ADAT1: variants seen among roughly 807,000 people sequenced by gnomAD.
The protein encoded by ADAT1 is adenosine deaminase tRNA specific 1, also known as tRNA-specific adenosine deaminase 1.
Under a neutral mutation model 58.6 loss-of-function variants are expected in ADAT1, and 58 were observed. The observed-to-expected ratio is 0.99, with a 90% CI of 0.80 to 1.23. ADAT1 has a LOEUF of 1.23. Among genes scored for constraint, ADAT1 ranks in the 50% most tolerant of loss-of-function variants. The probability of loss-of-function intolerance (pLI) is 0.00; values close to 1 mark genes in which losing one functional copy is unlikely to be tolerated. For synonymous variants in ADAT1, 254 were observed against 220.8 expected, an observed-to-expected ratio of 1.15 and a Z score of -1.33; for missense variants, 741 against 608.6, an observed-to-expected ratio of 1.22 and a Z score of -2.29.
chr16:75,605,718 C>T (rs1238265229), intron 8 of ADAT1, among the ~76,000 whole-genome samples: 2 of 151,350 alleles, frequency 1.3e-5, no homozygotes, highest in Non-Finnish European at 2.9e-5. Flanking sequence ...GGTGGATCAC[C>T]TGAGGTCAGG....
intron 8 of ADAT1, among the ~76,000 whole-genome samples, chr16:75,604,492 C>T (rs866375630): frequency 1.3e-4 from 16 of 124,528 alleles, no homozygotes; most frequent in African/African-American, 4.6e-4. Context: ...CACACACACA[C>T]ACACACACAC....
At chr16:75,612,220 T>G (rs371579667) in intron 6 of ADAT1, 23 bp downstream of exon 6, 5 of 1,605,344 alleles carry the variant, frequency 3.1e-6, no homozygotes, top group African/African-American at 1.3e-5. Context: ...ACTGTTCCAA[T>G]TGAGCCCTCC....
At chr16:75,617,577 T>TGA (rs1253418331) in intron 4 of ADAT1, among the ~76,000 whole-genome samples, 4 of 151,612 alleles carry the variant, frequency 2.6e-5, no homozygotes, top group Non-Finnish European at 5.9e-5. Flanking sequence ...GAGGCTGTAG[T>TGA]GAGCTATGAT....
chr16:75,621,346 G>A (rs143599234), intron 1 of ADAT1, among the ~76,000 whole-genome samples: 4 of 151,680 alleles, frequency 2.6e-5, no homozygotes, highest in African/African-American at 7.3e-5. Context: ...CAGCAGTTAC[G>A]TGTTCTCATA....
At position 75,620,851 on chromosome 16, in the gene ADAT1, C is replaced by T. The variant is rs550323095; in HGVS notation, c.-21-31G>A. On this transcript the variant is annotated intron_variant, in intron 1 of 9. Transcript: ENST00000564657. ...TCAAAAACCACAACCATCAGAAGTA[C>T]GGAAAGGAGAACCAGTGCACGATGC... is the stretch of plus-strand genomic sequence containing the variant. 10 of 1,573,196 alleles carry T rather than the reference C, an allele frequency of 6.4e-6. No individual in the cohort carries two copies. In the African/African-American group the frequency reaches 6.8e-5, roughly 11 times the overall value.
chr16:75,602,187 C>A (rs2081249959), intron 9 of ADAT1, among the ~76,000 whole-genome samples: 2 of 152,278 alleles, frequency 1.3e-5, no homozygotes, highest in South Asian at 4.1e-4. Flanking sequence ...TAAGTTCAAT[C>A]ACATCATGTG....
Position 75,617,373 on chromosome 16 carries a change from G to A in ADAT1, c.294-101C>T, listed in dbSNP as rs774370674. On this transcript the variant is annotated intron_variant, in intron 4 of 9. Transcript: ENST00000564657. Reference sequence around the variant, plus strand: ...CTAAGACAGCTTACTGTAGACTAATGGGACTGGTAGTGATGGGGAATTATG... The same window carrying A: ...CTAAGACAGCTTACTGTAGACTAATAGGACTGGTAGTGATGGGGAATTATG... 697 of 1,285,718 alleles carry A rather than the reference G, an allele frequency of 5.4e-4. 1 individual carries two copies. Among genetic ancestry groups the A allele is most frequent in the Non-Finnish European group, 6.0e-4 (555 of 921,946 alleles). 79.6% of individuals were successfully genotyped at this position (1,285,718 alleles called of 1,614,324 possible).
intron 6 of ADAT1, 79 bp from the exon 7 acceptor site, chr16:75,609,067 A>C (rs1329029428): frequency 1.3e-6 from 2 of 1,522,238 alleles, no homozygotes; most frequent in African/African-American, 2.8e-5. Flanking sequence ...TCACATCATC[A>C]CCCCTGAGCC....
chr16:75,613,804 T>C (rs1170457046), intron 5 of ADAT1, among the ~76,000 whole-genome samples: 1 of 152,208 alleles, frequency 6.6e-6, no homozygotes, highest in Non-Finnish European at 1.5e-5. Context: ...TGAGAACCAC[T>C]GGCTTAGAAT....
intron 1 of ADAT1, among the ~76,000 whole-genome samples, chr16:75,621,061 T>C (rs113525786): frequency 0.013 from 1,989 of 152,144 alleles, 53 homozygotes; most frequent in African/African-American, 0.044. Context: ...TTCTTAATGT[T>C]ATATATCTGA....
At chr16:75,601,880 G>A (rs1567461174) in intron 9 of ADAT1, 1 of 152,170 alleles carries the variant, frequency 6.6e-6, no homozygotes, top group Non-Finnish European at 1.5e-5. Context: ...TCTTCATATA[G>A]AAGTTTCTAG....
At chr16:75,608,643 T>C (rs79257470) in intron 7 of ADAT1, among the ~76,000 whole-genome samples, 200 bp downstream of exon 7, 1,606 of 152,252 alleles carry the variant, frequency 0.011, 15 homozygotes, top group Non-Finnish European at 0.016. Flanking sequence ...GACAAAGAAA[T>C]TGAGGCCAAG....
chr16:75,608,695 T>C, intron 7 of ADAT1, 148 bp downstream of exon 7: 2 of 932,968 alleles, frequency 2.1e-6, no homozygotes, highest in Non-Finnish European at 3.1e-6. Context: ...AGCATAAACG[T>C]GACCCACTAT....
chr16:75,617,412 C>T (rs910251159), intron 4 of ADAT1, 140 bp from the exon 5 acceptor site: 7 of 895,002 alleles, frequency 7.8e-6, no homozygotes, highest in Non-Finnish European at 1.2e-5. Context: ...ATGCTCTAGA[C>T]CAGTGATTCT....
At chr16:75,608,121 G>A in intron 8 of ADAT1, 103 bp downstream of exon 8, 1 of 941,916 alleles carries the variant, frequency 1.1e-6, no homozygotes, top group Non-Finnish European at 1.7e-6. Flanking sequence ...GACTGCTAAT[G>A]GGTATGGTTG....
At chr16:75,608,073 A>G in intron 8 of ADAT1, 151 bp downstream of exon 8, 1 of 631,060 alleles carries the variant, frequency 1.6e-6, no homozygotes, top group Non-Finnish European at 2.8e-6. Context: ...AGTAAATTAG[A>G]GGTTTCCAAG....
chr16:75,617,332 T>G, intron 4 of ADAT1, 60 bp from the exon 5 acceptor site: 2 of 1,573,120 alleles, frequency 1.3e-6, no homozygotes, highest in Non-Finnish European at 1.7e-6. Context: ...GGGGAAAGCC[T>G]CTGGTTGGGT....
intron 3 of ADAT1, 87 bp from the exon 4 acceptor site, chr16:75,618,727 G>A (rs759484901): frequency 2.0e-6 from 3 of 1,500,042 alleles, no homozygotes; most frequent in Middle Eastern, 1.8e-4. Flanking sequence ...AGTCCCACCA[G>A]CACCCAGGAT....
intron 9 of ADAT1, 124 bp downstream of exon 9, chr16:75,602,961 G>A: frequency 1.3e-6 from 1 of 784,674 alleles, no homozygotes; most frequent in Non-Finnish European, 2.2e-6. Flanking sequence ...AAGAACTTGT[G>A]GTCAACAATA....
Sources: allele counts gnomAD v4.1 joint callset (sites outside exome capture counted in the v4.1 genomes callset), GRCh38; gene constraint gnomAD v4.1.1; transcripts MANE v1.5; gene names NCBI Gene and HGNC (gene_info 2026-07-23, HGNC 2026-07-21).